The following ROBO2 variants were observed in gnomAD, a reference collection of about 807,000 sequenced individuals.
The protein encoded by ROBO2 is roundabout homolog 2.
Under a neutral mutation model 160.8 loss-of-function variants are expected in ROBO2, and 53 were observed. The observed-to-expected ratio is 0.33, with a 90% CI of 0.26 to 0.41. The LOEUF is 0.41. Ranked by LOEUF, ROBO2 falls within the 10% of genes least tolerant of loss-of-function variation. The pLI is 1.00. For synonymous variants in ROBO2, 664 were observed against 611.7 expected (o/e 1.09, Z -1.26); for missense variants, 1,577 against 1,722.4 (o/e 0.92, Z 1.49).
intron 2 of ROBO2, among the ~76,000 whole-genome samples, chr3:76,793,485 G>A (rs1036170911): frequency 2.0e-5 from 3 of 151,860 alleles, no homozygotes; most frequent in Admixed American, 6.6e-5. Flanking sequence ...ACTTCAGAGA[G>A]GGTAGAATGA....
intron 2 of ROBO2, among the ~76,000 whole-genome samples, chr3:76,665,912 C>CATATTATATATATTATAT (rs1560335377): frequency 7.1e-6 from 1 of 140,650 alleles, no homozygotes; most frequent in African/African-American, 2.6e-5. Flanking sequence ...ATATAATATA[C>CATATTATATATATTATAT]ACATATTTTA....
chr3:76,493,366 A>ATATATATATATATAG (rs2079956468), intron 2 of ROBO2, among the ~76,000 whole-genome samples: 3 of 69,366 alleles, frequency 4.3e-5, no homozygotes, highest in Non-Finnish European at 9.2e-5. Context: ...TATATATATA[A>ATATATATATATATAG]TTGTATATAC....
chr3:77,058,501 A>G (rs369734739), intron 1 of ROBO2, among the ~76,000 whole-genome samples: 4 of 152,280 alleles, frequency 2.6e-5, no homozygotes, highest in African/African-American at 9.6e-5. Flanking sequence ...CCTATGAAAT[A>G]TATCACTAAC....
intron 2 of ROBO2, among the ~76,000 whole-genome samples, chr3:77,397,376 A>G (rs2075378865): frequency 6.6e-6 from 1 of 152,170 alleles, no homozygotes; most frequent in African/African-American, 2.4e-5. Flanking sequence ...AGCAATAATC[A>G]GAGATATTTG....
chr3:76,084,063 G>A (rs568562912), intron 2 of ROBO2, among the ~76,000 whole-genome samples: 37 of 152,070 alleles, frequency 2.4e-4, no homozygotes, highest in Non-Finnish European at 3.1e-4. Context: ...ATGATATGTA[G>A]GAATTAATGG....
intron 2 of ROBO2, among the ~76,000 whole-genome samples, chr3:75,981,942 G>C (rs948396027): frequency 6.6e-6 from 1 of 150,616 alleles, no homozygotes; most frequent in Non-Finnish European, 1.5e-5. Context: ...CCAGCTTCTG[G>C]TAACCACCCT....
At chr3:76,948,635 G>T (rs1459291307) in intron 2 of ROBO2, among the ~76,000 whole-genome samples, 2 of 129,322 alleles carry the variant, frequency 1.5e-5, no homozygotes, top group Non-Finnish European at 3.2e-5. Context: ...CACCCAGGCT[G>T]GATTTTGTGA....
At chr3:77,410,186 G>A (rs1449845714) in intron 2 of ROBO2, among the ~76,000 whole-genome samples, 2 of 152,072 alleles carry the variant, frequency 1.3e-5, no homozygotes, top group African/African-American at 4.8e-5. Context: ...AAAAATTCTT[G>A]AGACATGACA....
At chr3:77,181,482 TTCG>T (rs1481739599) in intron 2 of ROBO2, among the ~76,000 whole-genome samples, 1 of 152,078 alleles carries the variant, frequency 6.6e-6, no homozygotes, top group African/African-American at 2.4e-5. Flanking sequence ...AGAATTTTAT[TTCG>T]GTATATAATT....
At chr3:77,529,672 C>T (rs946750050) in intron 6 of ROBO2, among the ~76,000 whole-genome samples, 2 of 151,730 alleles carry the variant, frequency 1.3e-5, no homozygotes, top group African/African-American at 4.8e-5. Flanking sequence ...AAGTTATTTC[C>T]ATTTTTTATT....
At chr3:76,540,041 G>T (rs1403237661) in intron 2 of ROBO2, among the ~76,000 whole-genome samples, 2 of 152,134 alleles carry the variant, frequency 1.3e-5, no homozygotes, top group African/African-American at 4.8e-5. Flanking sequence ...CTCCAAGAAT[G>T]CAGCATAACC....
intron 2 of ROBO2, among the ~76,000 whole-genome samples, chr3:76,428,858 G>A (rs551462921): frequency 6.6e-5 from 10 of 152,174 alleles, no homozygotes; most frequent in South Asian, 2.1e-4. Context: ...CTGAGCTGCC[G>A]ACAGTCATCT....
chr3:77,208,306 G>A (rs1252916119), intron 2 of ROBO2, among the ~76,000 whole-genome samples: 2 of 152,074 alleles, frequency 1.3e-5, no homozygotes, highest in Non-Finnish European at 2.9e-5. Context: ...AAAATATCTA[G>A]CATTTGAGGA....
At chr3:76,652,860 CTT>C (rs1049495969) in intron 2 of ROBO2, among the ~76,000 whole-genome samples, 3 of 151,888 alleles carry the variant, frequency 2.0e-5, no homozygotes, top group African/African-American at 7.2e-5. Flanking sequence ...GTTATGGCCT[CTT>C]TTTTTAATTC....
chr3:77,421,296 C>G (rs1175087008), intron 2 of ROBO2, among the ~76,000 whole-genome samples: 1 of 152,016 alleles, frequency 6.6e-6, no homozygotes, highest in Non-Finnish European at 1.5e-5. Flanking sequence ...ATATGGTTAT[C>G]CCATTAATAT....
chr3:77,342,622 C>T (rs1378766233), intron 2 of ROBO2, among the ~76,000 whole-genome samples: 1 of 152,068 alleles, frequency 6.6e-6, no homozygotes, highest in African/African-American at 2.4e-5. Context: ...CTAGAAGACT[C>T]CCCATTTGCT....
chr3:77,481,017 C>A, intron 3 of ROBO2, 82 bp from the exon 4 acceptor site: 1 of 1,270,018 alleles, frequency 7.9e-7, no homozygotes, highest in Non-Finnish European at 1.1e-6. Flanking sequence ...CTCAAATACT[C>A]AAAACTATTT....
intron 2 of ROBO2, among the ~76,000 whole-genome samples, chr3:77,339,014 A>G (rs977376123): frequency 3.3e-5 from 5 of 152,258 alleles, no homozygotes; most frequent in African/African-American, 7.2e-5. Flanking sequence ...GAGTATTATG[A>G]TAGAACAACA....
chr3:75,953,445 G>A (rs185094884), intron 2 of ROBO2, among the ~76,000 whole-genome samples: 7 of 151,492 alleles, frequency 4.6e-5, no homozygotes, highest in Non-Finnish European at 8.8e-5. Context: ...TCTTATTTTC[G>A]AGTTCTTTGT....
Sources: allele counts gnomAD v4.1 joint callset (sites outside exome capture counted in the v4.1 genomes callset), GRCh38; gene constraint gnomAD v4.1.1; transcripts MANE v1.5; gene names NCBI Gene and HGNC (gene_info 2026-07-23, HGNC 2026-07-21).